Variants in ZZEF1 observed in about 807,000 individuals in gnomAD.
ZZEF1 encodes zinc finger ZZ-type and EF-hand domain-containing protein 1.
A neutral mutation model predicts 342.8 loss-of-function variants in ZZEF1; 157 were observed. The observed-to-expected ratio is 0.46, with a 90% CI of 0.40 to 0.52. ZZEF1 has a LOEUF of 0.52. Ranked by LOEUF, ZZEF1 falls within the 20% of genes least tolerant of loss-of-function variation. The pLI is 0.00. For synonymous variants in ZZEF1, 1,505 were observed against 1,429.1 expected, an observed-to-expected ratio of 1.05 and a Z score of -1.20; for missense variants, 3,480 against 3,725.6, an observed-to-expected ratio of 0.93 and a Z score of 1.72.
At chr17:4,048,024 T>C (rs1038923548) in intron 37 of ZZEF1, among the ~76,000 whole-genome samples, 1 of 152,034 alleles carries the variant, frequency 6.6e-6, no homozygotes, top group Admixed American at 6.6e-5. Context: ...CATTCTGACA[T>C]AAATAAAAGG....
intron 30 of ZZEF1, among the ~76,000 whole-genome samples, chr17:4,061,443 G>A (rs1049667002): frequency 3.9e-5 from 6 of 152,094 alleles, no homozygotes; most frequent in African/African-American, 1.4e-4. Context: ...TTTCTAGGAG[G>A]TCTTATGGCT....
At chr17:4,132,204 T>C (rs955288559) in intron 1 of ZZEF1, among the ~76,000 whole-genome samples, 7 of 146,974 alleles carry the variant, frequency 4.8e-5, no homozygotes, top group South Asian at 2.1e-4. Context: ...ATTTTCTCTT[T>C]TTTTTTTTTT....
chr17:4,007,715 C>T (rs1384526940), intron 54 of ZZEF1, among the ~76,000 whole-genome samples: 2 of 152,122 alleles, frequency 1.3e-5, no homozygotes, highest in East Asian at 1.9e-4. Context: ...ACTCTGCCTA[C>T]AGGTCTCGGG....
intron 3 of ZZEF1, among the ~76,000 whole-genome samples, chr17:4,114,684 G>A (rs918367835): frequency 1.6e-4 from 24 of 152,046 alleles, no homozygotes; most frequent in Admixed American, 1.3e-3. Flanking sequence ...AAACTGTTAC[G>A]TCATTGGCAT....
In ZZEF1 at chr17:4,005,410, G is replaced by GCC. The variant is rs911062731; in HGVS notation, c.*1478_*1479dup. On this transcript the variant is annotated 3_prime_UTR_variant, in exon 55 of 55. Transcript: ENST00000381638. ...CTCAGGCCACCAAGTTCCAGGACCT[G>GCC]CCCCATGTGTTCCCGTCTCCCTTAA... The GCC allele has an allele frequency of 1.3e-5, 2 of 152,446 alleles. No individual in the cohort carries two copies. The highest frequency in any genetic ancestry group is 4.8e-5 in the African/African-American group (2 of 41,482). 9.4% of individuals were successfully genotyped at this position (152,446 alleles called of 1,614,324 possible).
intron 37 of ZZEF1, among the ~76,000 whole-genome samples, chr17:4,044,768 C>T (rs1172549512): frequency 2.6e-5 from 4 of 152,156 alleles, no homozygotes; most frequent in Admixed American, 1.3e-4. Flanking sequence ...CTGCCCACCT[C>T]GTCCTCTTTA....
At chr17:4,010,264 G>A (rs180708987) in intron 52 of ZZEF1, among the ~76,000 whole-genome samples, 1 of 152,130 alleles carries the variant, frequency 6.6e-6, no homozygotes, top group Non-Finnish European at 1.5e-5. Flanking sequence ...TGAGGTGGGA[G>A]GACTGCTTGA....
At chr17:4,038,789 G>C (rs1378835677) in intron 39 of ZZEF1, among the ~76,000 whole-genome samples, 5 of 151,150 alleles carry the variant, frequency 3.3e-5, no homozygotes, top group Non-Finnish European at 5.9e-5. Flanking sequence ...CTGGGCAACA[G>C]AGCAAGACTC....
chr17:4,110,904 A>G (rs1173564533), intron 5 of ZZEF1, among the ~76,000 whole-genome samples: 1 of 151,958 alleles, frequency 6.6e-6, no homozygotes, highest in East Asian at 1.9e-4. Context: ...GTAGAGACGG[A>G]GTTTCACCAT....
intron 1 of ZZEF1, among the ~76,000 whole-genome samples, chr17:4,141,469 G>A (rs2058846543): frequency 1.3e-5 from 2 of 152,018 alleles, no homozygotes; most frequent in South Asian, 4.1e-4. Context: ...GTACCTTTTT[G>A]GTCATACCGT....
chr17:4,124,300 T>C (rs901982555), intron 1 of ZZEF1, among the ~76,000 whole-genome samples: 4 of 151,954 alleles, frequency 2.6e-5, no homozygotes, highest in Non-Finnish European at 5.9e-5. Context: ...CATTAAGTAA[T>C]CCAAGAGAGT....
At chr17:4,015,417 AAG>A (rs2056073386) in intron 49 of ZZEF1, among the ~76,000 whole-genome samples, 1 of 152,240 alleles carries the variant, frequency 6.6e-6, no homozygotes, top group Non-Finnish European at 1.5e-5. Flanking sequence ...TTCCACTCAG[AAG>A]TAGATGCCTG....
intron 37 of ZZEF1, among the ~76,000 whole-genome samples, chr17:4,046,813 G>T (rs1331968251): frequency 6.6e-6 from 1 of 152,172 alleles, no homozygotes; most frequent in Non-Finnish European, 1.5e-5. Flanking sequence ...GAATCTTCTG[G>T]ATGATGCCTC....
chr17:4,050,009 C>T (rs1373953853), intron 36 of ZZEF1, 150 bp from the exon 37 acceptor site: 7 of 844,188 alleles, frequency 8.3e-6, no homozygotes, highest in South Asian at 1.9e-5. Context: ...GAACATCCCT[C>T]GCTGTCTAAA....
At chr17:4,009,173 C>G (rs1490414682) in intron 53 of ZZEF1, 1 of 603,032 alleles carries the variant, frequency 1.7e-6, no homozygotes. Context: ...CTTGGGTGAC[C>G]AGGCCGGGAC....
In ZZEF1 at chr17:4,042,521, C is replaced by T. The variant is rs1181304117; in HGVS notation, c.6214G>A (p.Ala2072Thr). The T allele has an allele frequency of 1.2e-6, 2 of 1,614,024 alleles. No individual in the cohort carries two copies. Among genetic ancestry groups the T allele is most frequent in the Non-Finnish European group, 8.5e-7 (1 of 1,179,998 alleles). Residue 2072 changes from alanine to threonine, a missense_variant, in exon 39 of 55, where the codon GCA becomes ACA. By Grantham distance (58) the Ala-to-Thr change is moderately conservative. Coordinates refer to ENST00000381638, the MANE Select transcript of ZZEF1 (RefSeq NM_015113.4). ...ACTTGCTCAGGGCTTGGAGTAACTG[C>T]TTTTTCCTCTATGGGCTTCTGAGAT... ...VSSQKPIEEKAVTPSPEQVFA... is the reference protein window; with the variant it reads ...VSSQKPIEEKTVTPSPEQVFA...
chr17:4,105,891 T>A, intron 6 of ZZEF1, 82 bp from the exon 7 acceptor site: 1 of 1,100,778 alleles, frequency 9.1e-7, no homozygotes, highest in Non-Finnish European at 1.3e-6. Flanking sequence ...AAGCTTGTTT[T>A]GACTAATCCC....
chr17:4,118,838 T>C (rs2058439102), intron 2 of ZZEF1, among the ~76,000 whole-genome samples: 1 of 152,204 alleles, frequency 6.6e-6, no homozygotes, highest in South Asian at 2.1e-4. Context: ...TTCAGACTTA[T>C]TTCCCACCCC....
intron 2 of ZZEF1, among the ~76,000 whole-genome samples, chr17:4,123,250 A>G (rs1270765453): frequency 1.5e-5 from 2 of 134,484 alleles, no homozygotes; most frequent in African/African-American, 5.4e-5. Flanking sequence ...TAATTTATAC[A>G]TTAGAATTTA....
Sources: gnomAD v4.1 joint callset for allele counts (sites outside exome capture counted in the v4.1 genomes callset) on GRCh38, gnomAD v4.1.1 for gene constraint, MANE v1.5 for transcripts, NCBI Gene and HGNC (gene_info 2026-07-23, HGNC 2026-07-21) for gene names.